Variants in TBC1D4 observed in about 807,000 individuals in gnomAD.
TBC1D4 encodes TBC1 domain family member 4.
In TBC1D4, 121 loss-of-function variants were observed where a neutral mutation model predicts 142.5. That is an observed-to-expected ratio of 0.85 (90% CI 0.73 to 0.99). TBC1D4 has a LOEUF of 0.99. Ranked by LOEUF, TBC1D4 falls within the 50% of genes least tolerant of loss-of-function variation. The pLI is 0.00. For synonymous variants in TBC1D4, 630 were observed against 628.2 expected (o/e 1.00, Z -0.04); for missense variants, 1,475 against 1,606.6 (o/e 0.92, Z 1.40).
intron 1 of TBC1D4, among the ~76,000 whole-genome samples, chr13:75,447,752 T>G (rs541077076): frequency 6.6e-5 from 10 of 152,152 alleles, no homozygotes; most frequent in African/African-American, 1.9e-4. Context: ...CTACCTCCTG[T>G]CAGATCAGCA....
intron 8 of TBC1D4, among the ~76,000 whole-genome samples, chr13:75,333,927 T>C (rs1446594699): frequency 6.6e-6 from 1 of 152,226 alleles, no homozygotes; most frequent in African/African-American, 2.4e-5. Context: ...ATTCAAGCAC[T>C]GCCTATTTGA....
At chr13:75,460,741 C>T (rs1473705518) in intron 1 of TBC1D4, among the ~76,000 whole-genome samples, 4 of 151,844 alleles carry the variant, frequency 2.6e-5, no homozygotes, top group African/African-American at 9.7e-5. Context: ...GGCAACACAG[C>T]GAGACCTCAT....
At chr13:75,338,954 G>A (rs918775323) in intron 7 of TBC1D4, among the ~76,000 whole-genome samples, 3 of 152,018 alleles carry the variant, frequency 2.0e-5, no homozygotes, top group Admixed American at 2.0e-4. Flanking sequence ...TGATTATGCC[G>A]CCTAAATAGC....
intron 1 of TBC1D4, among the ~76,000 whole-genome samples, chr13:75,390,827 T>C (rs957501140): frequency 5.3e-5 from 6 of 113,292 alleles, no homozygotes; most frequent in Admixed American, 1.3e-4. Flanking sequence ...TGAGGATGGA[T>C]AGATAGATAA....
intron 5 of TBC1D4, among the ~76,000 whole-genome samples, chr13:75,343,494 A>G (rs1260474158): frequency 2.7e-5 from 4 of 150,702 alleles, no homozygotes; most frequent in Admixed American, 1.3e-4. Context: ...GACACCACTC[A>G]CTATCACAGT....
In TBC1D4 at chr13:75,289,105, A is replaced by G. The variant is rs199989963; in HGVS notation, c.3492T>C (p.Phe1164=). ...GCAACTGCTTAGAAATATCCATCTCAAAAACCTGCCATGAAAGTATCATGG... is the reference window on the plus strand; with the variant it reads ...GCAACTGCTTAGAAATATCCATCTCGAAAACCTGCCATGAAAGTATCATGG... ...SEMEKIITQV[F]EMDISKQLHA... is the part of the protein sequence containing the mutation. Residue 1164 remains phenylalanine, a synonymous_variant, in exon 20 of 21, where the codon TTT becomes TTC. Transcript: ENST00000377636. 4.4e-5 allele frequency: 71 copies of G among 1,613,540 alleles called. No homozygotes were observed. Among genetic ancestry groups the G allele is most frequent in the South Asian group, 2.2e-5 (2 of 91,084 alleles).
chr13:75,418,212 G>A (rs1039235185), intron 1 of TBC1D4, among the ~76,000 whole-genome samples: 1 of 152,142 alleles, frequency 6.6e-6, no homozygotes, highest in Non-Finnish European at 1.5e-5. Flanking sequence ...CAGCCAGCAG[G>A]TGTTACTAAG....
chr13:75,335,285 C>T (rs1593746888), intron 8 of TBC1D4, among the ~76,000 whole-genome samples: 1 of 152,300 alleles, frequency 6.6e-6, no homozygotes, highest in African/African-American at 2.4e-5. Context: ...AGTCTCCCTG[C>T]TCTGAGCCAC....
Position 75,348,939 on chromosome 13 carries a change from TAGAG to T in TBC1D4, c.1408+227_1408+230del, listed in dbSNP as rs755430210. Among the ~76,000 whole-genome samples, 191 of 131,208 alleles carry T rather than the reference TAGAG, an allele frequency of 1.5e-3. 1 individual carries two copies. The highest frequency in any genetic ancestry group is 3.3e-3 in the Admixed American group (43 of 12,980). The allele number at this position is 131,208 out of a possible 152,430, so 86.1% of individuals were successfully genotyped here. A position where few individuals can be genotyped will look rare whatever the true frequency, so the allele number is the denominator to read the frequency against. On this transcript the variant is annotated intron_variant, in intron 5 of 20. Transcript: ENST00000377636. Reference sequence around the variant, plus strand: ...TGAGAGAGAGAGAGAGGAGAGAGAGTAGAGAGAGAGAGAGAGTGTGTGTGTGTGT... The same window carrying T: ...TGAGAGAGAGAGAGAGGAGAGAGAGTAGAGAGAGAGAGTGTGTGTGTGTGT...
intron 18 of TBC1D4, 100 bp from the exon 19 acceptor site, chr13:75,292,371 A>G: frequency 9.5e-7 from 1 of 1,052,854 alleles, no homozygotes; most frequent in Non-Finnish European, 1.4e-6. Context: ...TGTTTTATGT[A>G]TTTTGCAGAA....
At chr13:75,395,062 G>C (rs1884714792) in intron 1 of TBC1D4, among the ~76,000 whole-genome samples, 1 of 152,198 alleles carries the variant, frequency 6.6e-6, no homozygotes, top group African/African-American at 2.4e-5. Flanking sequence ...CAGGCAGTGT[G>C]TGTGAAATCA....
chr13:75,396,748 T>C (rs1302231005), intron 1 of TBC1D4, among the ~76,000 whole-genome samples: 1 of 152,070 alleles, frequency 6.6e-6, no homozygotes, highest in Non-Finnish European at 1.5e-5. Flanking sequence ...CAGAAACAAG[T>C]AATCATACAC....
intron 1 of TBC1D4, among the ~76,000 whole-genome samples, chr13:75,449,080 A>T (rs1182360771): frequency 6.6e-6 from 1 of 151,914 alleles, no homozygotes; most frequent in East Asian, 1.9e-4. Context: ...GATGATAATT[A>T]TATATCAATC....
intron 14 of TBC1D4, among the ~76,000 whole-genome samples, chr13:75,309,603 C>T (rs962839443): frequency 6.6e-6 from 1 of 152,082 alleles, no homozygotes; most frequent in Non-Finnish European, 1.5e-5. Context: ...TTAGAAGTGA[C>T]ACTAAGATAA....
At chr13:75,414,489 T>G (rs1032379073) in intron 1 of TBC1D4, among the ~76,000 whole-genome samples, 2 of 152,120 alleles carry the variant, frequency 1.3e-5, no homozygotes, top group African/African-American at 4.8e-5. Flanking sequence ...GACCATCAAC[T>G]AGATCAATTA....
chr13:75,412,827 C>T (rs1024804147), intron 1 of TBC1D4, among the ~76,000 whole-genome samples: 12 of 152,290 alleles, frequency 7.9e-5, no homozygotes, highest in Admixed American at 3.9e-4. Context: ...TTTATTGTTG[C>T]AGAGAAGTTA....
intron 1 of TBC1D4, among the ~76,000 whole-genome samples, chr13:75,447,671 C>T (rs148325624): frequency 1.3e-5 from 2 of 152,072 alleles, no homozygotes; most frequent in East Asian, 1.9e-4. Flanking sequence ...AGGAGGTGAG[C>T]GGCAGGTGAG....
At position 75,463,420 on chromosome 13, in the gene TBC1D4, T is replaced by G. The variant is rs76503054; in HGVS notation, c.498+17850A>C. ...GGCTGCACAAAAGTGCTAAGCTGAC[T>G]CCATCCCAATGGCCCATTTTTAAAC... On this transcript the variant is annotated intron_variant, in intron 1 of 20. Transcript: ENST00000377636. Among the ~76,000 whole-genome samples the G allele has an allele frequency of 1.6e-4, 25 of 152,294 alleles. No homozygotes were observed. The East Asian group carries it at 4.8e-3, about 29-fold the overall frequency.
At chr13:75,339,053 A>C (rs895704571) in intron 7 of TBC1D4, among the ~76,000 whole-genome samples, 31 of 152,196 alleles carry the variant, frequency 2.0e-4, no homozygotes, top group Admixed American at 1.2e-3. Flanking sequence ...TATTCAAGCT[A>C]TTTATGTACC....
Sources: allele counts gnomAD v4.1 joint callset (sites outside exome capture counted in the v4.1 genomes callset), GRCh38; gene constraint gnomAD v4.1.1; transcripts MANE v1.5; gene names NCBI Gene and HGNC (gene_info 2026-07-23, HGNC 2026-07-21).